The following CCL28 variants were observed in gnomAD, a reference collection of about 807,000 sequenced individuals.
The protein encoded by CCL28 is C-C motif chemokine 28.
Under a neutral mutation model 7.1 loss-of-function variants are expected in CCL28, and 4 were observed. The ratio of observed to expected loss-of-function variants is 0.56; its 90% CI spans 0.28 to 1.29. The LOEUF is 1.29. CCL28 is among the 50% of genes most tolerant of loss of function. The probability of loss-of-function intolerance (pLI) is 0.11; values close to 1 mark genes in which losing one functional copy is unlikely to be tolerated. For missense variants in CCL28, 151 were observed against 163.4 expected (o/e 0.92, Z 0.41); for synonymous variants, 55 against 57.8 (o/e 0.95, Z 0.22).
intron 1 of CCL28, among the ~76,000 whole-genome samples, chr5:43,406,134 C>T (rs1741266814): frequency 6.6e-6 from 1 of 152,096 alleles, no homozygotes; most frequent in Non-Finnish European, 1.5e-5. Context: ...GGAATCCTCC[C>T]TAACTCATTT....
At chr5:43,369,001 G>T in the CCL28 span, among the ~76,000 whole-genome samples, 1 of 144,164 alleles carries the variant, frequency 6.9e-6, no homozygotes, top group Admixed American at 7.1e-5. Context: ...TCTTTGAGAG[G>T]TGGGGTGGGG....
the CCL28 span, among the ~76,000 whole-genome samples, chr5:43,366,257 G>A: frequency 2.6e-5 from 4 of 152,166 alleles, no homozygotes; most frequent in Admixed American, 2.6e-4. Flanking sequence ...TTGGTTTTTG[G>A]AATTTTCAGC....
intron 2 of CCL28, among the ~76,000 whole-genome samples, chr5:43,383,357 G>C (rs1740199534): frequency 6.6e-6 from 1 of 152,126 alleles, no homozygotes; most frequent in African/African-American, 2.4e-5. Flanking sequence ...AAAAAACAGA[G>C]GTGGGGTAGA....
intron 2 of CCL28, among the ~76,000 whole-genome samples, chr5:43,382,732 G>A (rs986597604): frequency 2.6e-5 from 4 of 152,042 alleles, no homozygotes; most frequent in African/African-American, 4.8e-5. Flanking sequence ...ACAAAACTAA[G>A]ATATTCTAGG....
chr5:43,369,050 G>T, the CCL28 span, among the ~76,000 whole-genome samples: 2 of 30,636 alleles, frequency 6.5e-5, no homozygotes, highest in Admixed American at 2.8e-4. Context: ...GAGAGAGAGA[G>T]AGAGAGAGAG....
In CCL28 at chr5:43,388,468, G is replaced by C. The variant is rs201749292; in HGVS notation, c.73C>G (p.Pro25Ala). ...AALHASEAILPIASSCCTEVS... is the reference protein window; with the variant it reads ...AALHASEAILAIASSCCTEVS... Reference sequence around the variant, plus strand: ...TCCGTGCAACAGCTGGAGGCAATGGGAAGTATGGCTAAAAGAAGAAAAGAA... The same window carrying C: ...TCCGTGCAACAGCTGGAGGCAATGGCAAGTATGGCTAAAAGAAGAAAAGAA... The change falls in exon 2 of 3, where the codon CCC (proline) becomes GCC (alanine). Residue 25 changes from proline (P) to alanine (A), a missense_variant. Transcript: ENST00000361115. The C allele has an allele frequency of 1.2e-6, 2 of 1,613,816 alleles. No individual in the cohort carries two copies. Among genetic ancestry groups the C allele is most frequent in the East Asian group, 2.2e-5 (1 of 44,880 alleles).
intron 2 of CCL28, among the ~76,000 whole-genome samples, chr5:43,384,362 G>A (rs905753136): frequency 6.6e-6 from 1 of 152,006 alleles, no homozygotes; most frequent in Non-Finnish European, 1.5e-5. Context: ...TTCAACTGGG[G>A]AAAAAAATCA....
chr5:43,390,976 C>T (rs1230999991), intron 1 of CCL28, among the ~76,000 whole-genome samples: 1 of 152,182 alleles, frequency 6.6e-6, no homozygotes, highest in African/African-American at 2.4e-5. Context: ...ATATTTGAAT[C>T]AGTTTGCTCT....
chr5:43,391,895 G>A (rs1404442616), intron 1 of CCL28, among the ~76,000 whole-genome samples: 1 of 151,654 alleles, frequency 6.6e-6, no homozygotes, highest in Non-Finnish European at 1.5e-5. Context: ...ATAAATAGTG[G>A]GGCTGGAATT....
intron 1 of CCL28, among the ~76,000 whole-genome samples, chr5:43,407,277 A>G (rs1203284886): frequency 6.6e-6 from 1 of 152,262 alleles, no homozygotes; most frequent in South Asian, 2.1e-4. Flanking sequence ...ACAGCATGGT[A>G]CTAGTACCAA....
chr5:43,409,579 C>T (rs1172257970), intron 1 of CCL28, among the ~76,000 whole-genome samples: 1 of 152,034 alleles, frequency 6.6e-6, no homozygotes, highest in Non-Finnish European at 1.5e-5. Flanking sequence ...CTTCCCTAGC[C>T]AGAGTCTTAT....
At chr5:43,406,651 A>C (rs977488623) in intron 1 of CCL28, among the ~76,000 whole-genome samples, 1 of 152,222 alleles carries the variant, frequency 6.6e-6, no homozygotes. Flanking sequence ...GGCCAGGGCA[A>C]TTAGGCAGGA....
chr5:43,374,730 G>A (rs1258619912), downstream of CCL28, among the ~76,000 whole-genome samples: 1 of 148,646 alleles, frequency 6.7e-6, no homozygotes, highest in African/African-American at 2.5e-5. Flanking sequence ...GCAGTGAGCC[G>A]AGATCGAGCC....
At chr5:43,361,403 G>A in the CCL28 span, among the ~76,000 whole-genome samples, 2 of 152,182 alleles carry the variant, frequency 1.3e-5, no homozygotes, top group African/African-American at 2.4e-5. Context: ...TTTGTTGGAT[G>A]CATAGTTTGC....
At position 43,403,845 on chromosome 5, in the gene CCL28, G is replaced by A. The variant is rs553465308; in HGVS notation, c.64+8408C>T. Among the ~76,000 whole-genome samples the A allele has an allele frequency of 1.1e-3, 164 of 152,328 alleles. 5 individuals are homozygous for A. The highest frequency in any genetic ancestry group is 9.0e-3 in the Admixed American group (137 of 15,304). On this transcript the variant is annotated intron_variant, in intron 1 of 2. Coordinates refer to ENST00000361115, the MANE Select transcript of CCL28 (RefSeq NM_148672.3). ...CTGATGGAGCTGAAAACCACAGCAC[G>A]AGAACTACGTGACGAATGCAGAAGC... is the stretch of plus-strand genomic sequence containing the variant.
chr5:43,406,540 C>A (rs1741289263), intron 1 of CCL28, among the ~76,000 whole-genome samples: 1 of 152,196 alleles, frequency 6.6e-6, no homozygotes, highest in Admixed American at 6.5e-5. Context: ...CAGCCAATAT[C>A]ATACGGAATG....
the CCL28 span, among the ~76,000 whole-genome samples, chr5:43,363,682 C>T: frequency 6.6e-6 from 1 of 152,216 alleles, no homozygotes; most frequent in Non-Finnish European, 1.5e-5. Context: ...CAGCTGACTT[C>T]AGGGGTTTAC....
chr5:43,383,247 G>T (rs1740195561), intron 2 of CCL28, among the ~76,000 whole-genome samples: 1 of 152,008 alleles, frequency 6.6e-6, no homozygotes, highest in Admixed American at 6.6e-5. Context: ...CCTCATGAGG[G>T]GTCATCAGCT....
downstream of CCL28, among the ~76,000 whole-genome samples, chr5:43,373,027 C>T (rs1054941587): frequency 8.5e-5 from 13 of 152,092 alleles, no homozygotes; most frequent in Admixed American, 5.2e-4. Context: ...TCTTAAACTC[C>T]TGACCTCAGG....
Sources: allele counts gnomAD v4.1 joint callset (sites outside exome capture counted in the v4.1 genomes callset), GRCh38; gene constraint gnomAD v4.1.1; transcripts MANE v1.5; gene names NCBI Gene and HGNC (gene_info 2026-07-23, HGNC 2026-07-21).